Variants in PSPC1 observed in about 807,000 individuals in gnomAD.
PSPC1 encodes paraspeckle protein 1.
A neutral mutation model predicts 51.6 loss-of-function variants in PSPC1; 14 were observed. That is an observed-to-expected ratio of 0.27 (90% CI 0.18 to 0.42). The LOEUF is 0.42. Among genes scored for constraint, PSPC1 ranks in the 10% least tolerant of loss-of-function variants. PSPC1 has a pLI of 1.00. For missense variants in PSPC1, 406 were observed against 701.1 expected, an observed-to-expected ratio of 0.58 and a Z score of 4.75; for synonymous variants, 193 against 231.9, an observed-to-expected ratio of 0.83 and a Z score of 1.53.
At chr13:19,736,445 A>G (rs1239399696) in intron 5 of PSPC1, among the ~76,000 whole-genome samples, 7 of 152,198 alleles carry the variant, frequency 4.6e-5, no homozygotes, top group Middle Eastern at 3.4e-3. Context: ...GCACTTTGGG[A>G]GGCCGAGGCG....
intron 2 of PSPC1, among the ~76,000 whole-genome samples, chr13:19,765,553 C>T (rs1302465813): frequency 2.7e-5 from 4 of 146,674 alleles, no homozygotes; most frequent in African/African-American, 1.0e-4. Flanking sequence ...AGGCTAGTCT[C>T]GAACTCCCGG....
At chr13:19,694,387 A>C (rs1878964110) in intron 6 of PSPC1, among the ~76,000 whole-genome samples, 1 of 152,076 alleles carries the variant, frequency 6.6e-6, no homozygotes, top group Non-Finnish European at 1.5e-5. Context: ...CCTAGAAGCC[A>C]CATTAAAGGA....
At chr13:19,699,375 C>G (rs1055486590), downstream of PSPC1, 4 of 151,464 alleles carry the variant, frequency 2.6e-5, no homozygotes, top group Non-Finnish European at 5.9e-5. Context: ...CTGATGGATA[C>G]TCACTTAGGA....
At chr13:19,707,247 G>A (rs2137754378) in intron 7 of PSPC1, among the ~76,000 whole-genome samples, 1 of 151,716 alleles carries the variant, frequency 6.6e-6, no homozygotes, top group South Asian at 2.1e-4. Flanking sequence ...TACAACTATG[G>A]GTATAAAAAA....
At chr13:19,721,203 AAAC>A in intron 6 of PSPC1, among the ~76,000 whole-genome samples, 1 of 152,232 alleles carries the variant, frequency 6.6e-6, no homozygotes, top group Non-Finnish European at 1.5e-5. Flanking sequence ...CAAATACATT[AAAC>A]AAGTCACAAA....
chr13:19,702,460 CATT>C, downstream of PSPC1: 1 of 152,084 alleles, frequency 6.6e-6, no homozygotes, highest in Non-Finnish European at 1.5e-5. Flanking sequence ...TAAAACTAGA[CATT>C]ATTTTTTATA....
At chr13:19,704,775 T>C (rs536124370) in intron 8 of PSPC1, among the ~76,000 whole-genome samples, 1 of 152,280 alleles carries the variant, frequency 6.6e-6, no homozygotes, top group African/African-American at 2.4e-5. Flanking sequence ...TTTCATAGTA[T>C]TTAATCCACA....
chr13:19,778,290 A>T (rs1248763032), intron 1 of PSPC1, among the ~76,000 whole-genome samples: 4 of 84,242 alleles, frequency 4.7e-5, no homozygotes, highest in Non-Finnish European at 3.7e-5. Flanking sequence ...TTAATTTTTT[A>T]AAAAAGAAAA....
At chr13:19,673,710 T>C (rs1174622547), downstream of PSPC1, among the ~76,000 whole-genome samples, 1 of 152,190 alleles carries the variant, frequency 6.6e-6, no homozygotes, top group African/African-American at 2.4e-5. Context: ...ACCTGCTGTT[T>C]ATCAGGAAGG....
downstream of PSPC1, chr13:19,699,321 ATTT>A (rs36031263): frequency 6.6e-6 from 1 of 150,632 alleles, no homozygotes; most frequent in African/African-American, 2.4e-5. Flanking sequence ...TTTTTTCTGC[ATTT>A]TTTTTTCATT....
At chr13:19,689,200 G>A (rs1878278567) in intron 6 of PSPC1, among the ~76,000 whole-genome samples, 1 of 152,218 alleles carries the variant, frequency 6.6e-6, no homozygotes, top group South Asian at 2.1e-4. Flanking sequence ...GGCTGCTCTA[G>A]ACAGCAGCCA....
intron 6 of PSPC1, among the ~76,000 whole-genome samples, chr13:19,713,625 A>G (rs1007535192): frequency 1.3e-5 from 2 of 149,764 alleles, no homozygotes; most frequent in African/African-American, 4.9e-5. Context: ...TGCGGTATTT[A>G]TAAGATTGTA....
At chr13:19,675,924 C>G (rs562975051) in intron 7 of PSPC1, 6 of 152,160 alleles carry the variant, frequency 3.9e-5, no homozygotes, top group Non-Finnish European at 7.4e-5. Context: ...TTACATGTTT[C>G]TGGAGTGAAC....
intron 6 of PSPC1, among the ~76,000 whole-genome samples, chr13:19,713,600 A>ATT (rs1438826610): frequency 6.6e-6 from 1 of 151,750 alleles, no homozygotes; most frequent in Non-Finnish European, 1.5e-5. Context: ...AAAAGGCAAG[A>ATT]TTTTAACTTA....
chr13:19,682,007 A>C (rs1162495755), intron 6 of PSPC1, among the ~76,000 whole-genome samples: 1 of 152,212 alleles, frequency 6.6e-6, no homozygotes, highest in Non-Finnish European at 1.5e-5. Context: ...ATGATATAGC[A>C]AAAGAATAAG....
intron 1 of PSPC1, among the ~76,000 whole-genome samples, chr13:19,781,999 A>G (rs896918227): frequency 6.6e-6 from 1 of 152,002 alleles, no homozygotes; most frequent in Non-Finnish European, 1.5e-5. Context: ...AAGAATTCTC[A>G]CCCCAAAACG....
At chr13:19,735,325 A>G (rs1884656988) in intron 5 of PSPC1, among the ~76,000 whole-genome samples, 1 of 152,070 alleles carries the variant, frequency 6.6e-6, no homozygotes, top group Non-Finnish European at 1.5e-5. Context: ...AAACAAACCA[A>G]AGAAACGAAG....
At chr13:19,711,411 CG>C (rs945431204) in intron 6 of PSPC1, among the ~76,000 whole-genome samples, 2 of 151,824 alleles carry the variant, frequency 1.3e-5, no homozygotes, top group Non-Finnish European at 2.9e-5. Flanking sequence ...CCGAGATGGG[CG>C]GATCATGAGG....
intron 5 of PSPC1, among the ~76,000 whole-genome samples, chr13:19,739,550 C>T (rs1297223099): frequency 6.6e-6 from 1 of 151,992 alleles, no homozygotes; most frequent in African/African-American, 2.4e-5. Context: ...GAGTTCAAGA[C>T]CAGCCTGGCC....
Sources: gnomAD v4.1 joint callset for allele counts (sites outside exome capture counted in the v4.1 genomes callset) on GRCh38, gnomAD v4.1.1 for gene constraint, MANE v1.5 for transcripts, NCBI Gene and HGNC (gene_info 2026-07-23, HGNC 2026-07-21) for gene names.